Variants in AP4M1 observed in about 807,000 individuals in gnomAD.
AP4M1 encodes AP-4 complex subunit mu-1.
Under a neutral mutation model 62.4 loss-of-function variants are expected in AP4M1, and 58 were observed. The ratio of observed to expected loss-of-function variants is 0.93; its 90% CI spans 0.75 to 1.16. AP4M1 has a LOEUF of 1.16. AP4M1 is among the 50% of genes most tolerant of loss of function. The pLI is 0.00. For missense variants in AP4M1, 626 were observed against 585.4 expected, an observed-to-expected ratio of 1.07 and a Z score of -0.72; for synonymous variants, 290 against 239.7, an observed-to-expected ratio of 1.21 and a Z score of -1.94.
In AP4M1 at chr7:100,105,029, GTC is replaced by G. The variant is rs748826096; in HGVS notation, c.674-11_674-10del. ...ATGGCATTGCTGAGCTCTCCTGATG[GTC>G]TCTCCTCCGACAGAGATGCGCATTG... On this transcript the variant is annotated splice_polypyrimidine_tract_variant and intron_variant, in intron 8 of 14. Coordinates refer to ENST00000359593, the MANE Select transcript of AP4M1 (RefSeq NM_004722.4). 7.4e-6 allele frequency: 12 copies of G among 1,614,026 alleles called. No homozygotes were observed. The highest frequency in any genetic ancestry group is 9.3e-6 in the Non-Finnish European group (11 of 1,180,030).
chr7:100,108,855 C>T lies in AP4M1; in HGVS notation c.*1973C>T, dbSNP rs114851292. ...CCTGGCCAAAATGGAGAAACCTCAT[C>T]TCCACTAAAAATACAAAAACTAGCC... is the stretch of plus-strand genomic sequence containing the variant. On this transcript the variant is annotated 3_prime_UTR_variant, in exon 15 of 15. Transcript: ENST00000359593. 3.2e-3 allele frequency: 727 copies of T among 228,500 alleles called. 6 individuals are homozygous for T. The highest frequency in any genetic ancestry group is 0.015 in the African/African-American group (664 of 43,774). The allele number at this position is 228,500 out of a possible 1,614,324, so 14.2% of individuals were successfully genotyped here.
rs745474049 is a variant in AP4M1 at position 100,108,565 on chromosome 7, T to C, written c.*1683T>C. On this transcript the variant is annotated 3_prime_UTR_variant, in exon 15 of 15. Coordinates refer to ENST00000359593, the MANE Select transcript of AP4M1 (RefSeq NM_004722.4). ...TCTGCAGAACAGAAAAAAAGCCAGGTAGAGGGAGGGCTGGGGAAAAAAGCC... is the reference window on the plus strand; with the variant it reads ...TCTGCAGAACAGAAAAAAAGCCAGGCAGAGGGAGGGCTGGGGAAAAAAGCC... 6 of 1,573,426 alleles carry C rather than the reference T, an allele frequency of 3.8e-6. No individual in the cohort carries two copies. In the African/African-American group the frequency reaches 4.1e-5, roughly 11 times the overall value.
At position 100,101,755 on chromosome 7, in the gene AP4M1, C is replaced by G; in HGVS notation, c.41C>G (p.Pro14Arg). The G allele has an allele frequency of 6.2e-7, 1 of 1,613,278 alleles. No homozygotes were observed. Among genetic ancestry groups the G allele is most frequent in the Non-Finnish European group, 8.5e-7 (1 of 1,179,722 alleles). ...TTCATTCTGTCCTCCAAGGGGGACC[C>G]GCTCATCTACAAAGACTGTATCCTA... The part of the protein sequence containing the change: ...QFFILSSKGD[P>R]LIYKDFRGDS... Residue 14 changes from proline (P) to arginine (R), a missense_variant, in exon 1 of 15, where the codon CCG (proline) becomes CGG (arginine). Transcript: ENST00000359593.
At position 100,107,804 on chromosome 7, in the gene AP4M1, G is replaced by A; in HGVS notation, c.*922G>A. The A allele has an allele frequency of 1.4e-6, 2 of 1,398,710 alleles. No homozygotes were observed. The highest frequency in any genetic ancestry group is 1.9e-6 in the Non-Finnish European group (2 of 1,044,590). The allele number at this position is 1,398,710 out of a possible 1,614,324, so 86.6% of individuals were successfully genotyped here. A position where few individuals can be genotyped will look rare whatever the true frequency, so the allele number is the denominator to read the frequency against. ...CTACAGCCCTGCAGGACCCTGGTGG[G>A]CGCCTCTTCCAGCTCTTGACTTGGG... On this transcript the variant is annotated 3_prime_UTR_variant, in exon 15 of 15. Coordinates refer to ENST00000359593, the MANE Select transcript of AP4M1 (RefSeq NM_004722.4).
At chr7:100,101,623 A>G, upstream of AP4M1, 1 of 1,331,028 alleles carries the variant, frequency 7.5e-7, no homozygotes, top group Non-Finnish European at 1.1e-6. Context: ...TCGCTCTTAA[A>G]GGGCCAGCGC....
rs1023113745 is a variant in AP4M1 at position 100,103,534 on chromosome 7, A to G, written c.462+15A>G. On this transcript the variant is annotated intron_variant, in intron 5 of 14. Transcript: ENST00000359593. Reference sequence around the variant, plus strand: ...GCGTTGGCTTGGTCAGTAGAGGGAAAGAGGAGGGTGAGGAAAGAGAAGAGG... The same window carrying G: ...GCGTTGGCTTGGTCAGTAGAGGGAAGGAGGAGGGTGAGGAAAGAGAAGAGG... 6.2e-6 allele frequency: 10 copies of G among 1,613,932 alleles called. No individual in the cohort carries two copies. The highest frequency in any genetic ancestry group is 8.5e-6 in the Non-Finnish European group (10 of 1,179,910).
chr7:100,107,730 G>C lies in AP4M1; in HGVS notation c.*848G>C, dbSNP rs1366898354. The C allele has an allele frequency of 2.0e-6, 3 of 1,493,076 alleles. No individual in the cohort carries two copies. The highest frequency in any genetic ancestry group is 2.7e-6 in the Non-Finnish European group (3 of 1,116,632). 92.5% of individuals were successfully genotyped at this position (1,493,076 alleles called of 1,614,324 possible). On this transcript the variant is annotated 3_prime_UTR_variant, in exon 15 of 15. Transcript: ENST00000359593. ...CCTGCCTGAACAAGTTGTTCCTGTA[G>C]TTCACCCTGTAGACAGCTATGGCTG...
At chr7:100,104,010 G>A (rs531220040) in intron 6 of AP4M1, 82 bp from the exon 7 acceptor site, 81 of 1,260,170 alleles carry the variant, frequency 6.4e-5, no homozygotes, top group Admixed American at 6.3e-4. Context: ...AGCTTTGACT[G>A]TCCTGTTCTT....
rs1443950530 is a variant in AP4M1, at chr7:100,106,804, C to T, written c.1284C>T (p.Phe428=). 1.2e-6 allele frequency: 2 copies of T among 1,614,076 alleles called. No individual in the cohort carries two copies. The highest frequency in any genetic ancestry group is 2.2e-5 in the South Asian group (2 of 91,088). ...GLQVRFLRLA[F]RPCGNANPHK... is the part of the protein sequence containing the mutation. ...AGGTCCGATTCCTCAGGCTGGCCTT[C>T]AGGCCATGCGGCAATGCCAACCCCC... is the stretch of plus-strand genomic sequence containing the variant. The change falls in exon 15 of 15, where the codon TTC becomes TTT. Residue 428 remains phenylalanine (F), a synonymous_variant. Coordinates refer to ENST00000359593, the MANE Select transcript of AP4M1 (RefSeq NM_004722.4).
At position 100,105,029 on chromosome 7, in the gene AP4M1, G is replaced by T. The variant is rs1554380033; in HGVS notation, c.674-16G>T. On this transcript the variant is annotated splice_polypyrimidine_tract_variant and intron_variant, in intron 8 of 14. Transcript: ENST00000359593. ...ATGGCATTGCTGAGCTCTCCTGATG[G>T]TCTCTCCTCCGACAGAGATGCGCAT... The T allele has an allele frequency of 6.2e-7, 1 of 1,614,142 alleles. No homozygotes were observed. Among genetic ancestry groups the T allele is most frequent in the Non-Finnish European group, 8.5e-7 (1 of 1,180,022 alleles).
At chr7:100,105,566 C>T (rs1439314904) in intron 11 of AP4M1, 27 bp downstream of exon 11, 1 of 1,592,798 alleles carries the variant, frequency 6.3e-7, no homozygotes, top group African/African-American at 1.3e-5. Flanking sequence ...GGTTCTAGAA[C>T]TACCTTGGAA....
At position 100,106,465 on chromosome 7, in the gene AP4M1, G is replaced by T; in HGVS notation, c.1088G>T (p.Trp363Leu). The change falls in exon 14 of 15, where the codon TGG becomes TTG. Residue 363 changes from tryptophan (W) to leucine (L), a missense_variant. By Grantham distance (61) the Trp-to-Leu change is moderately conservative (BLOSUM62 -2). Coordinates refer to ENST00000359593, the MANE Select transcript of AP4M1 (RefSeq NM_004722.4). Reference sequence around the variant, plus strand: ...GAGCTGGCAGAGGGAGCCCTTCGCTGGGACCTGCCTCGGGTGCAAGGAGGC... The same window carrying T: ...GAGCTGGCAGAGGGAGCCCTTCGCTTGGACCTGCCTCGGGTGCAAGGAGGC... Reference protein sequence around the residue: ...KAELAEGALRWDLPRVQGGSQ... With the variant: ...KAELAEGALRLDLPRVQGGSQ... The T allele has an allele frequency of 6.2e-7, 1 of 1,613,890 alleles. No individual in the cohort carries two copies. Among genetic ancestry groups the T allele is most frequent in the Non-Finnish European group, 8.5e-7 (1 of 1,180,024 alleles).
At chr7:100,101,387 C>T (rs1189915717), upstream of AP4M1, 8 of 1,561,130 alleles carry the variant, frequency 5.1e-6, no homozygotes, top group Middle Eastern at 1.7e-4. Context: ...TGTGGCCGGC[C>T]AACCGAAATT....
At position 100,106,276 on chromosome 7, in the gene AP4M1, C is replaced by T. The variant is rs767127795; in HGVS notation, c.1010C>T (p.Pro337Leu). 3 of 1,614,108 alleles carry T rather than the reference C, an allele frequency of 1.9e-6. No homozygotes were observed. The highest frequency in any genetic ancestry group is 2.2e-5 in the East Asian group (1 of 44,878). Residue 337 changes from proline (P) to leucine (L), a missense_variant, in exon 13 of 15, where the codon CCT becomes CTT. By Grantham distance (98) the Pro-to-Leu change is moderately conservative. Coordinates refer to ENST00000359593, the MANE Select transcript of AP4M1 (RefSeq NM_004722.4). ...ALNVRLHLPL[P>L]RGVVSLSQEL... ...AATGTCAGGCTGCACCTCCCCCTGC[C>T]TCGAGGGGTGGTCAGGTGAGTGTGT...
rs1371116465 is a variant in AP4M1 at position 100,102,732 on chromosome 7, A to C, written c.205A>C (p.Thr69Pro). 6.2e-7 allele frequency: 1 copy of C among 1,614,066 alleles called. No homozygotes were observed. The highest frequency in any genetic ancestry group is 1.3e-5 in the African/African-American group (1 of 74,924). Reference protein sequence around the residue: ...IRHSGLYLVVTTSENVSPFSL... With the variant: ...IRHSGLYLVVPTSENVSPFSL... The stretch of plus-strand genomic sequence containing the variant: ...ACACAGCGGCCTCTATTTGGTGGTC[A>C]CAACTTCAGAAAACGTTTCTCCCTT... The change falls in exon 3 of 15, where the codon ACA becomes CCA. Residue 69 changes from threonine to proline, a missense_variant. By Grantham distance (38) the Thr-to-Pro change is conservative. Transcript: ENST00000359593.
At chr7:100,102,089 G>C (rs1796091627) in intron 2 of AP4M1, 121 bp downstream of exon 2, 1 of 1,157,528 alleles carries the variant, frequency 8.6e-7, no homozygotes, top group East Asian at 2.5e-5. Context: ...GCCAAATAAA[G>C]CTAACGTGAG....
rs1362214871 is a variant in AP4M1 at position 100,102,715 on chromosome 7, G to C, written c.188G>C (p.Gly63Ala). 6 of 1,614,014 alleles carry C rather than the reference G, an allele frequency of 3.7e-6. No individual in the cohort carries two copies. The East Asian group carries it at 1.1e-4, about 30-fold the overall frequency. ...GRHFIHIRHS[G>A]LYLVVTTSEN... ...CATTTCATTCACATCAGACACAGCGGCCTCTATTTGGTGGTCACAACTTCA... is the reference window on the plus strand; with the variant it reads ...CATTTCATTCACATCAGACACAGCGCCCTCTATTTGGTGGTCACAACTTCA... The change falls in exon 3 of 15, where the codon GGC becomes GCC. Residue 63 changes from glycine to alanine, a missense_variant. Coordinates refer to ENST00000359593, the MANE Select transcript of AP4M1 (RefSeq NM_004722.4).
At chr7:100,104,341 G>A (rs868574645) in intron 7 of AP4M1, among the ~76,000 whole-genome samples, 187 bp downstream of exon 7, 1 of 150,936 alleles carries the variant, frequency 6.6e-6, no homozygotes. Flanking sequence ...AACATAGCCA[G>A]ACCCCGTCTC....
chr7:100,103,452 A>G lies in AP4M1; in HGVS notation c.395A>G (p.Asn132Ser). The G allele has an allele frequency of 6.2e-7, 1 of 1,614,118 alleles. No homozygotes were observed. Among genetic ancestry groups the G allele is most frequent in the South Asian group, 1.1e-5 (1 of 91,074 alleles). The change falls in exon 5 of 15, where the codon AAT becomes AGT. Residue 132 changes from asparagine to serine, a missense_variant. Asn to Ser is a conservative substitution (Grantham distance 46). Coordinates refer to ENST00000359593, the MANE Select transcript of AP4M1 (RefSeq NM_004722.4). ...ACCACATCCACGGAGATGCTGAGGA[A>G]TTTCATCCAGACGGAAGCTGTGGTC... is the stretch of plus-strand genomic sequence containing the variant. ...VQTTSTEMLR[N>S]FIQTEAVVSK...
Sources: gnomAD v4.1 joint callset for allele counts (sites outside exome capture counted in the v4.1 genomes callset) on GRCh38, gnomAD v4.1.1 for gene constraint, MANE v1.5 for transcripts, NCBI Gene and HGNC (gene_info 2026-07-23, HGNC 2026-07-21) for gene names.